Variants in MYT1L observed in about 807,000 individuals in gnomAD.
MYT1L encodes myelin transcription factor 1-like protein.
Under a neutral mutation model 126.7 loss-of-function variants are expected in MYT1L, and 12 were observed. The ratio of observed to expected loss-of-function variants is 0.09; its 90% CI spans 0.06 to 0.15. MYT1L has a LOEUF of 0.15. Ranked by LOEUF, MYT1L falls within the 10% of genes least tolerant of loss-of-function variation. The pLI is 1.00. For missense variants in MYT1L, 979 were observed against 1,585.2 expected, an observed-to-expected ratio of 0.62 and a Z score of 6.49; for synonymous variants, 541 against 604.2, an observed-to-expected ratio of 0.90 and a Z score of 1.53.
At chr2:2,106,467 A>C (rs566688585) in intron 3 of MYT1L, among the ~76,000 whole-genome samples, 23 of 152,094 alleles carry the variant, frequency 1.5e-4, no homozygotes, top group African/African-American at 5.1e-4. Context: ...AAAGTACAAA[A>C]GTTAGCCAGG....
intron 4 of MYT1L, among the ~76,000 whole-genome samples, chr2:2,051,084 T>C (rs549360529): frequency 4.3e-4 from 66 of 152,168 alleles, no homozygotes; most frequent in Non-Finnish European, 2.1e-4. Flanking sequence ...GGGTAAGAAA[T>C]AGAACCACAC....
chr2:1,928,239 C>T (rs976546306), intron 9 of MYT1L, among the ~76,000 whole-genome samples: 10 of 152,216 alleles, frequency 6.6e-5, no homozygotes, highest in Non-Finnish European at 2.9e-5. Flanking sequence ...TGCACCTGGT[C>T]ATAAATGTTT....
At chr2:2,136,463 G>A (rs2083068180) in intron 3 of MYT1L, among the ~76,000 whole-genome samples, 1 of 152,128 alleles carries the variant, frequency 6.6e-6, no homozygotes, top group Admixed American at 6.5e-5. Context: ...CTGGGTAACA[G>A]TTTCTGAGAG....
intron 22 of MYT1L, 110 bp downstream of exon 22, chr2:1,808,965 CT>C (rs888141441): frequency 2.1e-6 from 2 of 961,258 alleles, no homozygotes; most frequent in African/African-American, 3.2e-5. Context: ...ATCTCTGCCC[CT>C]GCTTTCTAAG....
chr2:2,275,202 A>ATGTGTGTG (rs10522538), intron 2 of MYT1L, among the ~76,000 whole-genome samples: 4,495 of 139,482 alleles, frequency 0.032, 103 homozygotes, highest in South Asian at 0.05. Context: ...TAATAATAAA[A>ATGTGTGTG]TGTGTGTGTG....
intron 2 of MYT1L, among the ~76,000 whole-genome samples, chr2:2,281,725 C>T (rs10153948): frequency 0.11 from 17,484 of 152,148 alleles, 1,060 homozygotes; most frequent in Non-Finnish European, 0.13. Context: ...CATTAAAATA[C>T]ATCCATTAAG....
intron 9 of MYT1L, among the ~76,000 whole-genome samples, chr2:1,925,340 G>A (rs983758493): frequency 1.3e-5 from 2 of 152,262 alleles, no homozygotes; most frequent in South Asian, 4.1e-4. Flanking sequence ...AGCCTGCAGG[G>A]GGAACAGGTC....
At chr2:1,959,139 G>A (rs1400165010) in intron 8 of MYT1L, among the ~76,000 whole-genome samples, 4 of 152,112 alleles carry the variant, frequency 2.6e-5, no homozygotes, top group Non-Finnish European at 5.9e-5. Context: ...TCTCATAGCT[G>A]TGAAAAAAAA....
chr2:2,321,498 G>C (rs926561950), intron 1 of MYT1L, among the ~76,000 whole-genome samples: 3 of 152,192 alleles, frequency 2.0e-5, no homozygotes, highest in African/African-American at 7.2e-5. Context: ...CGAATTTAAA[G>C]TAAGCCCTTA....
intron 2 of MYT1L, among the ~76,000 whole-genome samples, chr2:2,218,773 G>T (rs115277819): frequency 0.049 from 7,520 of 152,258 alleles, 265 homozygotes; most frequent in Non-Finnish European, 0.072. Flanking sequence ...AGAGGAAACT[G>T]CCAGCCACAC....
chr2:1,800,991 G>A (rs1231867227), intron 23 of MYT1L, among the ~76,000 whole-genome samples: 2 of 152,196 alleles, frequency 1.3e-5, no homozygotes, highest in Non-Finnish European at 2.9e-5. Context: ...CTCCCAGAGT[G>A]TACTTCGGCG....
At position 1,793,260 on chromosome 2, in the gene MYT1L, T is replaced by C. The variant is rs971422925; in HGVS notation, c.3277-796A>G. Among the ~76,000 whole-genome samples, 2 of 152,144 alleles carry C rather than the reference T, an allele frequency of 1.3e-5. No individual in the cohort carries two copies. Among genetic ancestry groups the C allele is most frequent in the Non-Finnish European group, 1.5e-5 (1 of 68,016 alleles). ...AGAGATAATTTAAGTATCACCAAGG[T>C]CAAGGGGCTTGAGTTCAGGGCCTCT... On this transcript the variant is annotated intron_variant, in intron 23 of 24. Coordinates refer to ENST00000647738, the MANE Select transcript of MYT1L (RefSeq NM_001303052.2). The surrounding 1 kb of genome is among the most constrained non-coding windows in gnomAD (Gnocchi z 4.6).
rs547889444 is a variant in MYT1L at position 2,220,055 on chromosome 2, G to A, written c.-420-47067C>T. On this transcript the variant is annotated intron_variant, in intron 2 of 24. Transcript: ENST00000647738. ...CATTTGCACAGTGAGTGGAGAAGAGGGGAGGATGGAAAAGTGGAAAGGAAA... is the reference window on the plus strand; with the variant it reads ...CATTTGCACAGTGAGTGGAGAAGAGAGGAGGATGGAAAAGTGGAAAGGAAA... 3.9e-5 allele frequency among the ~76,000 whole-genome samples: 6 copies of A among 152,206 alleles called. No individual in the cohort carries two copies. In the East Asian group the frequency reaches 1.2e-3, roughly 29 times the overall value.
chr2:2,062,897 C>T (rs1439479055), intron 3 of MYT1L, among the ~76,000 whole-genome samples: 2 of 120,888 alleles, frequency 1.7e-5, no homozygotes, highest in Non-Finnish European at 3.7e-5. Context: ...CATCATGTGA[C>T]ATATCCTTCA....
chr2:1,814,026 C>CAAAAA (rs1304502003), intron 21 of MYT1L, among the ~76,000 whole-genome samples: 1 of 88,382 alleles, frequency 1.1e-5, no homozygotes, highest in Non-Finnish European at 2.3e-5. Context: ...GACTCCGTCC[C>CAAAAA]CAAAAAAAAA....
chr2:2,247,619 T>C (rs549124892), intron 2 of MYT1L, among the ~76,000 whole-genome samples: 6 of 152,196 alleles, frequency 3.9e-5, no homozygotes, highest in Non-Finnish European at 7.3e-5. Context: ...GGACAGATCA[T>C]ATGTTAGGTC....
intron 3 of MYT1L, among the ~76,000 whole-genome samples, chr2:2,103,196 C>T (rs1361941985): frequency 6.6e-6 from 1 of 152,176 alleles, no homozygotes; most frequent in Admixed American, 6.5e-5. Context: ...AGCGCTGCAA[C>T]CATCCAGCAA....
intron 3 of MYT1L, among the ~76,000 whole-genome samples, chr2:2,146,351 G>T (rs1308854342): frequency 2.0e-5 from 3 of 152,198 alleles, no homozygotes; most frequent in African/African-American, 7.2e-5. Flanking sequence ...TGAGACGATA[G>T]GAGTGAGTGT....
intron 2 of MYT1L, among the ~76,000 whole-genome samples, chr2:2,236,818 T>C (rs1202476599): frequency 2.4e-5 from 1 of 42,032 alleles, no homozygotes; most frequent in Admixed American, 2.0e-4. Context: ...CTTCTTCTTT[T>C]TTTTTTTTTT....
Sources: allele counts gnomAD v4.1 joint callset (sites outside exome capture counted in the v4.1 genomes callset), GRCh38; gene constraint gnomAD v4.1.1; non-coding constraint Gnocchi (gnomAD v3.1); transcripts MANE v1.5; gene names NCBI Gene and HGNC (gene_info 2026-07-23, HGNC 2026-07-21).